The following LDB2 variants were observed in gnomAD, a reference collection of about 807,000 sequenced individuals.
The protein encoded by LDB2 is LIM domain-binding protein 2.
Under a neutral mutation model 44.3 loss-of-function variants are expected in LDB2, and 12 were observed. The ratio of observed to expected loss-of-function variants is 0.27; its 90% confidence interval spans 0.17 to 0.44. The LOEUF (loss-of-function observed/expected upper bound fraction) is 0.44, where lower values mean the gene tolerates loss of function less well. Among genes scored for constraint, LDB2 ranks in the 20% least tolerant of loss-of-function variants. The probability of loss-of-function intolerance (pLI) is 1.00; values close to 1 mark genes in which losing one functional copy is unlikely to be tolerated. For synonymous variants in LDB2, 164 were observed against 174.8 expected, an observed-to-expected ratio of 0.94 and a Z score of 0.49; for missense variants, 344 against 473.5, an observed-to-expected ratio of 0.73 and a Z score of 2.54.
At chr4:16,636,499 A>C (rs192991323) in intron 2 of LDB2, among the ~76,000 whole-genome samples, 1 of 152,328 alleles carries the variant, frequency 6.6e-6, no homozygotes, top group Admixed American at 6.5e-5. Context: ...ATGGCACTCT[A>C]GTTACTTAGG....
At chr4:16,817,085 A>T (rs539857035) in intron 1 of LDB2, among the ~76,000 whole-genome samples, 23 of 152,278 alleles carry the variant, frequency 1.5e-4, no homozygotes, top group Non-Finnish European at 2.6e-4. Context: ...AGAAGTTGCC[A>T]TTTTTGAGCA....
chr4:16,713,730 G>A (rs1756435801), intron 2 of LDB2, among the ~76,000 whole-genome samples: 1 of 152,216 alleles, frequency 6.6e-6, no homozygotes, highest in Non-Finnish European at 1.5e-5. Flanking sequence ...GGGACAAGAG[G>A]AGGGATGGAT....
chr4:16,892,881 G>A (rs2110530524), intron 1 of LDB2, among the ~76,000 whole-genome samples: 1 of 152,146 alleles, frequency 6.6e-6, no homozygotes, highest in South Asian at 2.1e-4. Context: ...AAATTTAAAT[G>A]TGCATTGATT....
chr4:16,654,831 A>T (rs908936913), intron 2 of LDB2, among the ~76,000 whole-genome samples: 2 of 152,202 alleles, frequency 1.3e-5, no homozygotes, highest in Admixed American at 6.5e-5. Flanking sequence ...TACTTTTAAA[A>T]TTTTATTTAG....
intron 2 of LDB2, among the ~76,000 whole-genome samples, chr4:16,749,166 G>C (rs1764944725): frequency 6.6e-6 from 1 of 152,134 alleles, no homozygotes. Flanking sequence ...TTCCTAGGAA[G>C]TTTTGAGACT....
intron 2 of LDB2, among the ~76,000 whole-genome samples, chr4:16,732,075 T>A (rs937448559): frequency 6.6e-6 from 1 of 152,180 alleles, no homozygotes; most frequent in Non-Finnish European, 1.5e-5. Flanking sequence ...AATCTCAAGT[T>A]GCTTAGATTC....
chr4:16,559,746 A>T (rs2152375598), intron 5 of LDB2, among the ~76,000 whole-genome samples: 1 of 152,292 alleles, frequency 6.6e-6, no homozygotes, highest in South Asian at 2.1e-4. Flanking sequence ...TCTCCACCCC[A>T]AATCAACAGA....
chr4:16,539,641 C>T (rs13131423), intron 5 of LDB2, among the ~76,000 whole-genome samples: 12,082 of 152,194 alleles, frequency 0.079, 505 homozygotes, highest in South Asian at 0.16. Flanking sequence ...ATTACATAAA[C>T]TTGTGCCAAA....
intron 1 of LDB2, among the ~76,000 whole-genome samples, chr4:16,819,546 A>ATT (rs369337544): frequency 4.1e-5 from 6 of 146,444 alleles, no homozygotes; most frequent in African/African-American, 1.2e-4. Flanking sequence ...TTCAAGCAGT[A>ATT]TTTTTTTTTT....
At chr4:16,648,662 A>G (rs1415638838) in intron 2 of LDB2, among the ~76,000 whole-genome samples, 1 of 152,218 alleles carries the variant, frequency 6.6e-6, no homozygotes, top group African/African-American at 2.4e-5. Context: ...AACTAAGTAT[A>G]TATACAACAC....
intron 2 of LDB2, chr4:16,674,213 G>A: frequency 7.8e-7 from 1 of 1,286,110 alleles, no homozygotes; most frequent in African/African-American, 1.5e-5. Context: ...TGGTCAAACA[G>A]AAAAGCAATT....
At chr4:16,600,118 A>G (rs1242352677) in intron 2 of LDB2, among the ~76,000 whole-genome samples, 1 of 152,220 alleles carries the variant, frequency 6.6e-6, no homozygotes, top group African/African-American at 2.4e-5. Flanking sequence ...TTGCACAGTC[A>G]GATATAAATG....
chr4:16,853,095 A>G (rs565553686), intron 1 of LDB2, among the ~76,000 whole-genome samples: 1 of 152,310 alleles, frequency 6.6e-6, no homozygotes, highest in Admixed American at 6.5e-5. Context: ...AGCAATACAA[A>G]TGTCTCTTCA....
chr4:16,871,311 A>G (rs1278443361), intron 1 of LDB2, among the ~76,000 whole-genome samples: 1 of 152,212 alleles, frequency 6.6e-6, no homozygotes, highest in Admixed American at 6.5e-5. Flanking sequence ...GAAATTGGCA[A>G]ATGCTAAAAT....
At chr4:16,612,788 T>C (rs983490075) in intron 2 of LDB2, among the ~76,000 whole-genome samples, 2 of 152,314 alleles carry the variant, frequency 1.3e-5, no homozygotes, top group Middle Eastern at 3.4e-3. Flanking sequence ...GAGGAGTTGT[T>C]ACCATTCCTT....
intron 5 of LDB2, among the ~76,000 whole-genome samples, chr4:16,534,457 G>A (rs1018594030): frequency 1.3e-5 from 2 of 152,296 alleles, no homozygotes; most frequent in African/African-American, 4.8e-5. Context: ...CAGCACTGGG[G>A]TAAGGGAAGC....
intron 7 of LDB2, chr4:16,503,208 A>G: frequency 1.4e-6 from 2 of 1,453,520 alleles, no homozygotes; most frequent in South Asian, 2.5e-5. Context: ...GGGACTTTTG[A>G]GAGGGCTGTG....
rs188353379 is a variant in LDB2 at position 16,722,521 on chromosome 4, T to G, written c.235+36637A>C. Among the ~76,000 whole-genome samples, 38 of 152,304 alleles carry G rather than the reference T, an allele frequency of 2.5e-4. No individual in the cohort carries two copies. In the East Asian group the frequency reaches 7.3e-3, roughly 29 times the overall value. On this transcript the variant is annotated intron_variant, in intron 2 of 7. Transcript: ENST00000304523. The stretch of plus-strand genomic sequence containing the variant: ...TAAAGGGCTAGCCTCAGAAGGAAAT[T>G]CCATTTGAATACATTCATCCTTTAA...
intron 1 of LDB2, among the ~76,000 whole-genome samples, chr4:16,860,068 T>C (rs1398790145): frequency 1.3e-5 from 2 of 152,134 alleles, no homozygotes; most frequent in Non-Finnish European, 2.9e-5. Context: ...ATTTCAAACA[T>C]GGGAAAATGC....
Sources: allele counts gnomAD v4.1 joint callset (sites outside exome capture counted in the v4.1 genomes callset), GRCh38; gene constraint gnomAD v4.1.1; transcripts MANE v1.5; gene names NCBI Gene and HGNC (gene_info 2026-07-23, HGNC 2026-07-21).